The following RARS1 variants were observed in gnomAD, a reference collection of about 807,000 sequenced individuals.
RARS1 encodes the protein arginyl-tRNA synthetase 1, also known as arginine--tRNA ligase, cytoplasmic.
A neutral mutation model predicts 78.7 loss-of-function variants in RARS1; 75 were observed. The observed-to-expected ratio is 0.95, with a 90% confidence interval of 0.79 to 1.15. RARS1 has a LOEUF of 1.15. RARS1 is among the 50% of genes most tolerant of loss of function. The pLI is 0.00. For missense variants in RARS1, 787 were observed against 787.5 expected, an observed-to-expected ratio of 1.00 and a Z score of 0.01; for synonymous variants, 273 against 268.2, an observed-to-expected ratio of 1.02 and a Z score of -0.18.
intron 12 of RARS1, among the ~76,000 whole-genome samples, chr5:168,516,300 T>C (rs796658901): frequency 2.6e-5 from 4 of 152,316 alleles, no homozygotes; most frequent in African/African-American, 9.6e-5. Flanking sequence ...CTAATAATGC[T>C]TTAGAATACT....
chr5:168,503,425 C>T (rs931562227), intron 9 of RARS1, among the ~76,000 whole-genome samples: 3 of 152,116 alleles, frequency 2.0e-5, no homozygotes, highest in Non-Finnish European at 4.4e-5. Context: ...TTATCAATTG[C>T]AGAATAATAG....
At position 168,492,843 on chromosome 5, in the gene RARS1, C is replaced by T. The variant is rs73802341; in HGVS notation, c.365C>T (p.Ser122Phe). The T allele has an allele frequency of 5.8e-5, 93 of 1,598,488 alleles. No homozygotes were observed. The African/African-American group carries it at 1.2e-3, about 20-fold the overall frequency. ...CAGTGTAATAGTGCTATGGGTATTT[C>T]TCAGGTGATGTATTGTCATGACTCT... The part of the protein sequence containing the change: ...DYQCNSAMGI[S>F]QMLKTKEQKV... Residue 122 changes from serine (S) to phenylalanine (F), a missense_variant, in exon 3 of 15, where the codon TCT becomes TTT. Ser to Phe is a radical substitution (Grantham distance 155). Transcript: ENST00000231572.
At chr5:168,515,286 C>T (rs1758642463) in intron 12 of RARS1, among the ~76,000 whole-genome samples, 2 of 152,072 alleles carry the variant, frequency 1.3e-5, no homozygotes, top group Non-Finnish European at 2.9e-5. Context: ...TGTAGTCCCC[C>T]TCCTTAGTAT....
intron 12 of RARS1, 85 bp from the exon 13 acceptor site, chr5:168,516,693 C>T (rs1023313427): frequency 3.1e-5 from 42 of 1,333,508 alleles, no homozygotes; most frequent in Non-Finnish European, 4.2e-5. Flanking sequence ...ATTAGATGTT[C>T]CCTACCCCAG....
chr5:168,493,966 A>G lies in RARS1; in HGVS notation c.442A>G (p.Asn148Asp). ...AAACATTACCAAACACCTCCCAGACAATGAATGTATTGAAAAAGTTGAAAT... is the reference window on the plus strand; with the variant it reads ...AAACATTACCAAACACCTCCCAGACGATGAATGTATTGAAAAAGTTGAAAT... ...AENITKHLPD[N>D]ECIEKVEIAG... Residue 148 changes from asparagine to aspartate, a missense_variant, in exon 4 of 15, where the codon AAT becomes GAT. Physicochemically the swap from Asn to Asp is conservative, Grantham distance 23. Coordinates refer to ENST00000231572, the MANE Select transcript of RARS1 (RefSeq NM_002887.4). 1 of 1,612,958 alleles carries G rather than the reference A, an allele frequency of 6.2e-7. No individual in the cohort carries two copies. Among genetic ancestry groups the G allele is most frequent in the Non-Finnish European group, 8.5e-7 (1 of 1,178,992 alleles).
At chr5:168,500,495 G>C (rs1758293825) in intron 7 of RARS1, 96 bp from the exon 8 acceptor site, 9 of 1,186,518 alleles carry the variant, frequency 7.6e-6, no homozygotes, top group Middle Eastern at 6.3e-4. Context: ...CTTTCTCACT[G>C]TGTTTGTGTG....
At chr5:168,508,726 T>A (rs1758500779) in intron 11 of RARS1, among the ~76,000 whole-genome samples, 1 of 152,088 alleles carries the variant, frequency 6.6e-6, no homozygotes, top group Admixed American at 6.6e-5. Flanking sequence ...TGACATTTTC[T>A]GTTTTAATTT....
At chr5:168,490,326 A>T (rs1434450820) in intron 2 of RARS1, among the ~76,000 whole-genome samples, 1 of 152,210 alleles carries the variant, frequency 6.6e-6, no homozygotes, top group African/African-American at 2.4e-5. Context: ...GTATTATTAA[A>T]TGTCTAATAT....
intron 9 of RARS1, 23 bp from the exon 10 acceptor site, chr5:168,505,998 A>G: frequency 6.3e-7 from 1 of 1,574,810 alleles, no homozygotes; most frequent in Non-Finnish European, 8.6e-7. Flanking sequence ...AACTTTATTA[A>G]TGAAGTGTTT....
In RARS1 at chr5:168,519,194, T is replaced by G. The variant is rs1339413614; in HGVS notation, c.*4T>G. ...AAAACCTGTCCAAAGGATGTAATCC[T>G]TCATAGGTTTGAACACTGTGTGTTT... On this transcript the variant is annotated 3_prime_UTR_variant, in exon 15 of 15. Coordinates refer to ENST00000231572, the MANE Select transcript of RARS1 (RefSeq NM_002887.4). 3.1e-6 allele frequency: 5 copies of G among 1,607,300 alleles called. No homozygotes were observed. The highest frequency in any genetic ancestry group is 1.3e-5 in the African/African-American group (1 of 74,768).
chr5:168,486,840 A>G (rs984814870), intron 1 of RARS1, among the ~76,000 whole-genome samples: 5 of 152,040 alleles, frequency 3.3e-5, no homozygotes, highest in Admixed American at 6.5e-5. Context: ...TTCTCTCCCT[A>G]CAATCCACCT....
Position 168,494,261 on chromosome 5 carries a change from G to A in RARS1, c.478+259G>A, listed in dbSNP as rs542650747. The stretch of plus-strand genomic sequence containing the variant: ...AGCAAAATGAGGATAGATAATGGCA[G>A]ATAAGTCTTCGGCACAAGGGCCTTC... On this transcript the variant is annotated intron_variant, in intron 4 of 14. Transcript: ENST00000231572. The A allele has an allele frequency of 1.3e-5, 13 of 985,440 alleles. No homozygotes were observed. In the South Asian group the frequency reaches 4.2e-4, roughly 32 times the overall value. 61.0% of individuals were successfully genotyped at this position (985,440 alleles called of 1,614,324 possible). A position where few individuals can be genotyped will look rare whatever the true frequency, so the allele number is the denominator to read the frequency against.
At position 168,500,665 on chromosome 5, in the gene RARS1, T is replaced by C. The variant is rs753519784; in HGVS notation, c.897T>C (p.Gly299=). 29 of 1,610,542 alleles carry C rather than the reference T, an allele frequency of 1.8e-5. No homozygotes were observed. The highest frequency in any genetic ancestry group is 3.3e-4 in the Middle Eastern group (2 of 6,068). ...RAYQCVVLLQ[G]KNPDITKAWK... is the part of the protein sequence containing the mutation. ...ATCAGTGTGTAGTTCTGCTCCAGGG[T>C]AAAAACCCAGATATTACAAAAGCTT... is the stretch of plus-strand genomic sequence containing the variant. The change falls in exon 8 of 15, where the codon GGT becomes GGC. Residue 299 remains glycine (G), a synonymous_variant. Coordinates refer to ENST00000231572, the MANE Select transcript of RARS1 (RefSeq NM_002887.4).
intron 9 of RARS1, 46 bp downstream of exon 9, chr5:168,502,151 T>C: frequency 3.8e-6 from 6 of 1,567,904 alleles, no homozygotes; most frequent in Non-Finnish European, 5.2e-6. Flanking sequence ...TTTTCAAACA[T>C]AGGCAAAAGT....
At position 168,517,843 on chromosome 5, in the gene RARS1, G is replaced by T. The variant is rs1758703311; in HGVS notation, c.1654G>T (p.Glu552Ter). Residue 552 changes from glutamate (E) to a stop codon, truncating the protein, a stop_gained, in exon 14 of 15, where the codon GAA becomes TAA. Transcript: ENST00000231572. LOFTEE classifies it high-confidence loss of function. ...TATTGCACGTCTGGCCAATATTGAT[G>T]AAGAAATGCTCCAAAAAGCTGCTCG... ...RSIARLANID[E>*]EMLQKAARET... The T allele has an allele frequency of 6.2e-7, 1 of 1,602,556 alleles. No individual in the cohort carries two copies. Among genetic ancestry groups the T allele is most frequent in the Non-Finnish European group, 8.5e-7 (1 of 1,174,460 alleles).
At chr5:168,515,835 GAT>G (rs2113035658) in intron 12 of RARS1, among the ~76,000 whole-genome samples, 1 of 152,282 alleles carries the variant, frequency 6.6e-6, no homozygotes, top group East Asian at 1.9e-4. Context: ...GCTCTTTCCT[GAT>G]AGATTTTTTG....
chr5:168,517,770 A>G lies in RARS1; in HGVS notation c.1626-45A>G, dbSNP rs759725456. ...GTGGAGAATGAGTGTGCCTAAAAAA[A>G]GGGAACAGTGGTGATTGCCTGATGA... On this transcript the variant is annotated intron_variant, in intron 13 of 14. Transcript: ENST00000231572. 12 of 1,376,036 alleles carry G rather than the reference A, an allele frequency of 8.7e-6. No homozygotes were observed. In the South Asian group the frequency reaches 1.5e-4, roughly 18 times the overall value. The allele number at this position is 1,376,036 out of a possible 1,614,324, so 85.2% of individuals were successfully genotyped here.
At chr5:168,518,145 G>A (rs1758715062) in intron 14 of RARS1, 83 bp downstream of exon 14, 1 of 1,342,854 alleles carries the variant, frequency 7.4e-7, no homozygotes, top group African/African-American at 1.6e-5. Flanking sequence ...GTACGGTGGT[G>A]AAATCATAGG....
intron 2 of RARS1, among the ~76,000 whole-genome samples, chr5:168,490,014 A>G (rs1386183488): frequency 3.3e-5 from 5 of 152,034 alleles, no homozygotes; most frequent in African/African-American, 1.2e-4. Context: ...AGGTTTCTCC[A>G]TGTTGGTCAG....
Sources: gnomAD v4.1 joint callset for allele counts (sites outside exome capture counted in the v4.1 genomes callset) on GRCh38, gnomAD v4.1.1 for gene constraint, MANE v1.5 for transcripts, NCBI Gene and HGNC (gene_info 2026-07-23, HGNC 2026-07-21) for gene names.